Variants in CRY1 observed in about 807,000 individuals in gnomAD.
CRY1 encodes cryptochrome circadian regulator 1.
A neutral mutation model predicts 76.0 loss-of-function variants in CRY1; 45 were observed. That is an observed-to-expected ratio of 0.59 (90% CI 0.47 to 0.76). The LOEUF (loss-of-function observed/expected upper bound fraction) is 0.76. CRY1 is among the 30% of genes least tolerant of loss of function. The pLI is 0.00. For synonymous variants in CRY1, 248 were observed against 244.0 expected (o/e 1.02, Z -0.15); for missense variants, 587 against 716.4 (o/e 0.82, Z 2.06).
chr12:107,057,009 G>A (rs1952991816), intron 1 of CRY1, among the ~76,000 whole-genome samples: 1 of 151,910 alleles, frequency 6.6e-6, no homozygotes, highest in Non-Finnish European at 1.5e-5. Context: ...TATATTTTAG[G>A]CAGAAGTAAA....
chr12:107,032,617 A>G (rs1280599282), intron 1 of CRY1, among the ~76,000 whole-genome samples: 1 of 152,142 alleles, frequency 6.6e-6, no homozygotes, highest in African/African-American at 2.4e-5. Context: ...AGAGCCCACG[A>G]GTTCTAGACC....
intron 1 of CRY1, among the ~76,000 whole-genome samples, chr12:107,061,674 G>A (rs931247087): frequency 1.3e-5 from 2 of 152,010 alleles, no homozygotes; most frequent in African/African-American, 4.8e-5. Flanking sequence ...GAGCCACTGC[G>A]CCCGGCCCCT....
At chr12:107,071,001 G>A (rs1953184929) in intron 1 of CRY1, among the ~76,000 whole-genome samples, 1 of 151,908 alleles carries the variant, frequency 6.6e-6, no homozygotes, top group South Asian at 2.1e-4. Flanking sequence ...ACAGCGCCCG[G>A]CCTGGATTCT....
chr12:107,021,869 GAAGA>G (rs1418987124), intron 2 of CRY1, among the ~76,000 whole-genome samples: 1 of 152,014 alleles, frequency 6.6e-6, no homozygotes, highest in African/African-American at 2.4e-5. Context: ...GTTTAAGGTA[GAAGA>G]AAGATTGAAC....
intron 1 of CRY1, among the ~76,000 whole-genome samples, chr12:107,069,908 A>G (rs1006796935): frequency 7.2e-5 from 11 of 152,084 alleles, no homozygotes; most frequent in Non-Finnish European, 8.8e-5. Context: ...CTTAGTAACT[A>G]GAAAAGTACA....
At chr12:107,027,011 T>G (rs1284855506) in intron 1 of CRY1, among the ~76,000 whole-genome samples, 1 of 152,190 alleles carries the variant, frequency 6.6e-6, no homozygotes, top group Non-Finnish European at 1.5e-5. Flanking sequence ...AAGACTCAAC[T>G]AATCTCTAAG....
At chr12:107,034,480 G>A (rs1045955486) in intron 1 of CRY1, among the ~76,000 whole-genome samples, 2 of 151,994 alleles carry the variant, frequency 1.3e-5, no homozygotes, top group African/African-American at 4.8e-5. Flanking sequence ...TAATAAATTC[G>A]CTTTCATTTT....
intron 1 of CRY1, among the ~76,000 whole-genome samples, chr12:107,043,456 C>T (rs1448135726): frequency 1.3e-5 from 2 of 152,160 alleles, no homozygotes; most frequent in African/African-American, 4.8e-5. Flanking sequence ...CTCTACCAAG[C>T]TTGAGCTGAA....
At chr12:107,034,436 T>G (rs562117430) in intron 1 of CRY1, among the ~76,000 whole-genome samples, 2 of 152,170 alleles carry the variant, frequency 1.3e-5, no homozygotes. Flanking sequence ...CTGCTCTGTC[T>G]ATGGACTGGC....
intron 1 of CRY1, among the ~76,000 whole-genome samples, chr12:107,033,925 A>G (rs1242523584): frequency 1.3e-5 from 2 of 150,744 alleles, no homozygotes; most frequent in African/African-American, 4.9e-5. Context: ...AATCCAACAC[A>G]TTTTGAGTGC....
chr12:107,066,255 G>A (rs556400747), intron 1 of CRY1, among the ~76,000 whole-genome samples: 2 of 152,086 alleles, frequency 1.3e-5, no homozygotes, highest in Non-Finnish European at 2.9e-5. Context: ...TTTATCCTAA[G>A]TTTAGCTATT....
At chr12:107,025,751 C>A (rs1952601050) in intron 1 of CRY1, among the ~76,000 whole-genome samples, 1 of 152,050 alleles carries the variant, frequency 6.6e-6, no homozygotes, top group African/African-American at 2.4e-5. Context: ...ATGAGGCACA[C>A]CTTCCCATAC....
At chr12:107,092,100 A>G (rs374664183) in intron 1 of CRY1, among the ~76,000 whole-genome samples, 12 of 152,294 alleles carry the variant, frequency 7.9e-5, no homozygotes, top group African/African-American at 2.9e-4. Context: ...TCAAGAGTCT[A>G]TCTGTTGAGC....
At chr12:107,020,186 C>CAA (rs5800723) in intron 2 of CRY1, among the ~76,000 whole-genome samples, 1,452 of 134,698 alleles carry the variant, frequency 0.011, 22 homozygotes, top group East Asian at 0.035. Context: ...TTCATACAAG[C>CAA]AAAAAAAAAA....
intron 1 of CRY1, among the ~76,000 whole-genome samples, chr12:107,081,404 C>G (rs959247237): frequency 6.6e-6 from 1 of 152,010 alleles, no homozygotes; most frequent in Non-Finnish European, 1.5e-5. Context: ...CACAAAAAGG[C>G]TCTTTCCCCA....
At chr12:107,052,827 A>C (rs886200225) in intron 1 of CRY1, among the ~76,000 whole-genome samples, 3 of 152,240 alleles carry the variant, frequency 2.0e-5, no homozygotes, top group African/African-American at 7.2e-5. Flanking sequence ...AGAGATTATT[A>C]GGTTAGAAAG....
intron 1 of CRY1, among the ~76,000 whole-genome samples, chr12:107,089,522 A>G (rs1953444684): frequency 6.6e-6 from 1 of 152,092 alleles, no homozygotes; most frequent in African/African-American, 2.4e-5. Context: ...TTTAAATATA[A>G]AACATCCTTT....
At chr12:107,082,825 G>A (rs1345327738) in intron 1 of CRY1, among the ~76,000 whole-genome samples, 1 of 152,022 alleles carries the variant, frequency 6.6e-6, no homozygotes, top group South Asian at 2.1e-4. Flanking sequence ...GCTAGCAGAA[G>A]ACAAGAAATA....
Position 107,093,077 on chromosome 12 carries a change from C to A in CRY1, c.-116G>T. 8.0e-7 allele frequency: 1 copy of A among 1,254,256 alleles called. No homozygotes were observed. Among genetic ancestry groups the A allele is most frequent in the Non-Finnish European group, 1.1e-6 (1 of 944,932 alleles). 77.7% of individuals were successfully genotyped at this position (1,254,256 alleles called of 1,614,324 possible). On this transcript the variant is annotated 5_prime_UTR_variant, in exon 1 of 13. Coordinates refer to ENST00000008527, the MANE Select transcript of CRY1 (RefSeq NM_004075.5). ...CACCCGGGGCGTGAGGAAAGGGCGGCAGAGGGGGAACAGGAAAAAATGACT... is the reference window on the plus strand; with the variant it reads ...CACCCGGGGCGTGAGGAAAGGGCGGAAGAGGGGGAACAGGAAAAAATGACT...
Sources: gnomAD v4.1 joint callset for allele counts (sites outside exome capture counted in the v4.1 genomes callset) on GRCh38, gnomAD v4.1.1 for gene constraint, MANE v1.5 for transcripts, NCBI Gene and HGNC (gene_info 2026-07-23, HGNC 2026-07-21) for gene names.